The following KHDRBS2 variants were observed in gnomAD, a reference collection of about 807,000 sequenced individuals.
KHDRBS2 encodes KH RNA binding domain containing, signal transduction associated 2.
Under a neutral mutation model 44.3 loss-of-function variants are expected in KHDRBS2, and 26 were observed. The observed-to-expected ratio is 0.59, with a 90% confidence interval of 0.43 to 0.81. The LOEUF (loss-of-function observed/expected upper bound fraction) is 0.81, where lower values mean the gene tolerates loss of function less well. KHDRBS2 is among the 40% of genes least tolerant of loss of function. The pLI is 0.00. For synonymous variants in KHDRBS2, 194 were observed against 151.1 expected (o/e 1.28, Z -2.08); for missense variants, 476 against 433.1 (o/e 1.10, Z -0.88).
At chr6:61,895,653 A>G (rs1802804348) in intron 5 of KHDRBS2, among the ~76,000 whole-genome samples, 1 of 152,166 alleles carries the variant, frequency 6.6e-6, no homozygotes, top group Non-Finnish European at 1.5e-5. Flanking sequence ...TGAAGCCTTT[A>G]GAATGGTTGA....
chr6:62,279,829 G>T lies in KHDRBS2; in HGVS notation c.91+6029C>A, dbSNP rs150128221. ...GAGCAAGTGTTATTCACATGCGGAA[G>T]AGGTAGCAGAGGGGCCAACAGGGGG... is the stretch of plus-strand genomic sequence containing the variant. On this transcript the variant is annotated intron_variant, in intron 1 of 8. Transcript: ENST00000281156. 1.2e-3 allele frequency among the ~76,000 whole-genome samples: 187 copies of T among 152,342 alleles called. 1 individual carries two copies. The highest frequency in any genetic ancestry group is 2.5e-3 in the Admixed American group (39 of 15,302).
intron 4 of KHDRBS2, among the ~76,000 whole-genome samples, chr6:61,922,010 A>G (rs1467949899): frequency 6.6e-6 from 1 of 151,940 alleles, no homozygotes; most frequent in African/African-American, 2.4e-5. Context: ...TGACATCCAT[A>G]TCGTTAAAAA....
At chr6:62,111,861 G>A (rs1338829044) in intron 2 of KHDRBS2, among the ~76,000 whole-genome samples, 2 of 151,972 alleles carry the variant, frequency 1.3e-5, no homozygotes, top group East Asian at 1.9e-4. Context: ...CCGCCTAGGT[G>A]ACAGATTGAG....
At chr6:61,768,689 C>A (rs1252124495) in intron 6 of KHDRBS2, among the ~76,000 whole-genome samples, 1 of 151,978 alleles carries the variant, frequency 6.6e-6, no homozygotes, top group Admixed American at 6.6e-5. Context: ...TTTTTTAGCT[C>A]CACCACATGG....
At chr6:61,638,008 C>A in the KHDRBS2 span, among the ~76,000 whole-genome samples, 2 of 152,016 alleles carry the variant, frequency 1.3e-5, no homozygotes, top group African/African-American at 2.4e-5. Context: ...ATGGTAGTTT[C>A]TTTTGCTGTG....
chr6:61,926,903 C>A (rs1809083333), intron 4 of KHDRBS2, among the ~76,000 whole-genome samples: 1 of 151,408 alleles, frequency 6.6e-6, no homozygotes, highest in Non-Finnish European at 1.5e-5. Context: ...TTTTTTCAAG[C>A]TGTTCTCTTA....
chr6:62,174,630 G>A (rs1820726777), intron 2 of KHDRBS2, among the ~76,000 whole-genome samples: 1 of 151,660 alleles, frequency 6.6e-6, no homozygotes, highest in Non-Finnish European at 1.5e-5. Flanking sequence ...TCCAAAAAAA[G>A]TCATGTAGTA....
the KHDRBS2 span, among the ~76,000 whole-genome samples, chr6:61,661,735 A>G: frequency 6.6e-6 from 1 of 151,908 alleles, no homozygotes; most frequent in African/African-American, 2.4e-5. Flanking sequence ...CCACTGCTCA[A>G]TGAAATAAAA....
rs141413560 is a variant in KHDRBS2 at position 62,001,702 on chromosome 6, G to A, written c.337-23490C>T. ...TAGAATTTGTTGAATATGAACAGAC[G>A]AATTTGGTCTTTCCATGAAATACCA... On this transcript the variant is annotated intron_variant, in intron 3 of 8. Transcript: ENST00000281156. 4.4e-4 allele frequency among the ~76,000 whole-genome samples: 67 copies of A among 152,108 alleles called. No individual in the cohort carries two copies. The East Asian group carries it at 0.011, about 24-fold the overall frequency.
At chr6:62,200,914 G>C (rs1159247423) in intron 1 of KHDRBS2, among the ~76,000 whole-genome samples, 5 of 151,872 alleles carry the variant, frequency 3.3e-5, no homozygotes, top group Non-Finnish European at 7.4e-5. Context: ...CATAAAAAAT[G>C]ATGAGTTCAT....
At chr6:61,997,747 A>T (rs1777466966) in intron 3 of KHDRBS2, among the ~76,000 whole-genome samples, 1 of 152,170 alleles carries the variant, frequency 6.6e-6, no homozygotes, top group Admixed American at 6.6e-5. Context: ...ATGTTCTCTC[A>T]AGGCCTTGTT....
chr6:61,865,119 A>T (rs1352228915), intron 6 of KHDRBS2, among the ~76,000 whole-genome samples: 2 of 152,080 alleles, frequency 1.3e-5, no homozygotes, highest in African/African-American at 4.8e-5. Context: ...CGGCTCTGTC[A>T]GGTCAGTTAT....
intron 4 of KHDRBS2, among the ~76,000 whole-genome samples, chr6:61,964,552 A>T (rs191463279): frequency 8.3e-4 from 126 of 152,236 alleles, no homozygotes; most frequent in African/African-American, 3.0e-3. Context: ...AAGCAAATTG[A>T]CTATTTCTAA....
chr6:62,170,927 CCAAGGGCAT>C (rs1819861616), intron 2 of KHDRBS2, among the ~76,000 whole-genome samples: 1 of 147,584 alleles, frequency 6.8e-6, no homozygotes, highest in Non-Finnish European at 1.5e-5. Flanking sequence ...AGTCAAAATG[CCAAGGGCAT>C]CAAAGAAGAT....
intron 6 of KHDRBS2, among the ~76,000 whole-genome samples, chr6:61,823,635 C>T (rs1481294801): frequency 1.3e-5 from 2 of 152,052 alleles, no homozygotes; most frequent in Non-Finnish European, 2.9e-5. Context: ...GAGGTAATTG[C>T]TTCAAAATGG....
At chr6:62,071,797 C>A (rs537408880) in intron 2 of KHDRBS2, among the ~76,000 whole-genome samples, 1 of 151,922 alleles carries the variant, frequency 6.6e-6, no homozygotes, top group Non-Finnish European at 1.5e-5. Flanking sequence ...TTTGTTCTTT[C>A]GGCTTAGGAT....
chr6:62,102,364 T>A (rs1163260559), intron 2 of KHDRBS2, among the ~76,000 whole-genome samples: 2 of 152,168 alleles, frequency 1.3e-5, no homozygotes, highest in Non-Finnish European at 2.9e-5. Context: ...CCAGGAGTAC[T>A]GCAAGTGGCT....
At chr6:62,051,410 T>C (rs1789014080) in intron 2 of KHDRBS2, among the ~76,000 whole-genome samples, 1 of 152,072 alleles carries the variant, frequency 6.6e-6, no homozygotes, top group Non-Finnish European at 1.5e-5. Flanking sequence ...AATTTCATTC[T>C]TTTGCATATA....
At chr6:62,144,035 G>C (rs1393744030) in intron 2 of KHDRBS2, among the ~76,000 whole-genome samples, 1 of 151,754 alleles carries the variant, frequency 6.6e-6, no homozygotes, top group Non-Finnish European at 1.5e-5. Context: ...AGTAAACATA[G>C]CTCTGTAGCA....
Sources: gnomAD v4.1 joint callset for allele counts (sites outside exome capture counted in the v4.1 genomes callset) on GRCh38, gnomAD v4.1.1 for gene constraint, MANE v1.5 for transcripts, NCBI Gene and HGNC (gene_info 2026-07-23, HGNC 2026-07-21) for gene names.